The following ZNF202 variants were observed in gnomAD, a reference collection of about 807,000 sequenced individuals.
ZNF202 encodes the protein zinc finger protein with KRAB and SCAN domains 10.
Under a neutral mutation model 54.5 loss-of-function variants are expected in ZNF202, and 22 were observed. That is an observed-to-expected ratio of 0.40 (90% CI 0.29 to 0.58). ZNF202 has a LOEUF of 0.58. ZNF202 is among the 20% of genes least tolerant of loss of function. ZNF202 has a pLI of 0.39. For missense variants in ZNF202, 644 were observed against 805.5 expected, an observed-to-expected ratio of 0.80 and a Z score of 2.43; for synonymous variants, 294 against 301.4, an observed-to-expected ratio of 0.98 and a Z score of 0.26.
At chr11:123,728,653 A>AG (rs1251453084) in intron 6 of ZNF202, among the ~76,000 whole-genome samples, 2 of 152,234 alleles carry the variant, frequency 1.3e-5, no homozygotes, top group African/African-American at 4.8e-5. Flanking sequence ...AGCCAAAACA[A>AG]GACTTTTTTC....
rs756925638 is a variant in ZNF202, at chr11:123,730,801, G to A, written c.88C>T (p.Arg30Trp). Residue 30 changes from arginine (R) to tryptophan (W), a missense_variant, in exon 4 of 9, where the codon CGG (arginine) becomes TGG (tryptophan). This residue lies in a region of ZNF202 where 46 missense variants were observed against 47.4 expected (regional missense o/e 0.97). Transcript: ENST00000530393. The surrounding 1 kb of genome is among the most constrained non-coding windows in gnomAD (Gnocchi z 6.0). ...MVKLEDDFTC[R>W]PESVLQRDDP... Reference sequence around the variant, plus strand: ...TCCCTCTGTAAGACAGACTCTGGCCGACAGGTGAAATCATCTTCCAGTTTC... The same window carrying A: ...TCCCTCTGTAAGACAGACTCTGGCCAACAGGTGAAATCATCTTCCAGTTTC... 2.2e-5 allele frequency: 35 copies of A among 1,614,060 alleles called. No homozygotes were observed. In the Admixed American group the frequency reaches 3.2e-4, roughly 15 times the overall value.
chr11:123,726,981 A>G lies in ZNF202; in HGVS notation c.963T>C (p.Ser321=), dbSNP rs759168193. The change falls in exon 9 of 9, where the codon AGT becomes AGC. Residue 321 remains serine, a synonymous_variant. Coordinates refer to ENST00000530393, the MANE Select transcript of ZNF202 (RefSeq NM_003455.4). The surrounding 1 kb of genome is among the most constrained non-coding windows in gnomAD (Gnocchi z 6.0). ...GCTCCAGACACTCTTCCTCATCTTT[A>G]CTCCTATCTCCTGTAGAAAGGGTGA... ...ILSFTYTGDR[S]KDEEECLEQE... 2 of 1,611,166 alleles carry G rather than the reference A, an allele frequency of 1.2e-6. No individual in the cohort carries two copies. Among genetic ancestry groups the G allele is most frequent in the Admixed American group, 3.3e-5 (2 of 59,828 alleles).
chr11:123,741,038 T>C (rs1364047593), intron 1 of ZNF202, among the ~76,000 whole-genome samples: 1 of 151,026 alleles, frequency 6.6e-6, no homozygotes, highest in East Asian at 2.0e-4. Flanking sequence ...GGTGAGTGTA[T>C]CTGGGTGTGT....
In ZNF202 at chr11:123,729,135, A is replaced by T; in HGVS notation, c.693T>A (p.Ala231=). ...GGTAACTAGGGCACACCTGTGACAG[A>T]GCAGTAAGAAGAGCAACCATCTCTG... The part of the protein sequence containing the change: ...GDSEMVALLT[A]LSQGLVTFKD... Residue 231 remains alanine, a synonymous_variant, in exon 6 of 9, where the codon GCT becomes GCA. Coordinates refer to ENST00000530393, the MANE Select transcript of ZNF202 (RefSeq NM_003455.4). The T allele has an allele frequency of 6.2e-7, 1 of 1,613,986 alleles. No individual in the cohort carries two copies. Among genetic ancestry groups the T allele is most frequent in the Non-Finnish European group, 8.5e-7 (1 of 1,180,014 alleles).
Position 123,736,747 on chromosome 11 carries a change from T to C in ZNF202, c.-98+3370A>G, listed in dbSNP as rs528922256. ...TCGCTTATTAGCCTTGTAACACAATTTCCCTAAGCCTCAGTCTTATCCTCA... is the reference window on the plus strand; with the variant it reads ...TCGCTTATTAGCCTTGTAACACAATCTCCCTAAGCCTCAGTCTTATCCTCA... On this transcript the variant is annotated intron_variant, in intron 3 of 8. Coordinates refer to ENST00000530393, the MANE Select transcript of ZNF202 (RefSeq NM_003455.4). Among the ~76,000 whole-genome samples, 26 of 152,298 alleles carry C rather than the reference T, an allele frequency of 1.7e-4. No homozygotes were observed. In the South Asian group the frequency reaches 1.9e-3, roughly 11 times the overall value.
chr11:123,726,718 T>C lies in ZNF202; in HGVS notation c.1226A>G (p.Asn409Ser). 6.2e-7 allele frequency: 1 copy of C among 1,614,114 alleles called. No individual in the cohort carries two copies. The highest frequency in any genetic ancestry group is 8.5e-7 in the Non-Finnish European group (1 of 1,180,010). ...CCTCAGGTGTCTAACAAGGTGGGAG[T>C]TACAAGTGAAGCTCTTTCCACACAC... is the stretch of plus-strand genomic sequence containing the variant. Reference protein sequence around the residue: ...CSVCGKSFTCNSHLVRHLRTH... With the variant: ...CSVCGKSFTCSSHLVRHLRTH... Residue 409 changes from asparagine (N) to serine (S), a missense_variant, in exon 9 of 9, where the codon AAC becomes AGC. By Grantham distance (46) the Asn-to-Ser change is conservative (BLOSUM62 1). This residue lies in a region of ZNF202 where 536 missense variants were observed against 635.3 expected (regional missense o/e 0.84). Coordinates refer to ENST00000530393, the MANE Select transcript of ZNF202 (RefSeq NM_003455.4). The surrounding 1 kb of genome is among the most constrained non-coding windows in gnomAD (Gnocchi z 6.0).
chr11:123,740,145 T>G lies in ZNF202; in HGVS notation c.-126A>C, dbSNP rs1412078869. ...ATCTGTACAATTTGCAATGGCTGAGTCCCTCACATTGTGGTAAACCTTGTT... is the reference window on the plus strand; with the variant it reads ...ATCTGTACAATTTGCAATGGCTGAGGCCCTCACATTGTGGTAAACCTTGTT... On this transcript the variant is annotated 5_prime_UTR_variant, in exon 3 of 9. Transcript: ENST00000530393. 1 of 152,178 alleles carries G rather than the reference T, an allele frequency of 6.6e-6. No homozygotes were observed. Among genetic ancestry groups the G allele is most frequent in the African/African-American group, 2.4e-5 (1 of 41,418 alleles). The allele number at this position is 152,178 out of a possible 1,614,324, so 9.4% of individuals were successfully genotyped here.
chr11:123,724,456 T>C lies in ZNF202; in HGVS notation c.*1541A>G, dbSNP rs945887547. The C allele has an allele frequency of 6.6e-6, 1 of 152,202 alleles. No homozygotes were observed. The highest frequency in any genetic ancestry group is 1.5e-5 in the Non-Finnish European group (1 of 68,056). The allele number at this position is 152,202 out of a possible 1,614,324, so 9.4% of individuals were successfully genotyped here. ...AGAATATCATCGACCAAAATGAGAATTTCCCTGTTGGGCCATTAGGGTTGG... is the reference window on the plus strand; with the variant it reads ...AGAATATCATCGACCAAAATGAGAACTTCCCTGTTGGGCCATTAGGGTTGG... On this transcript the variant is annotated 3_prime_UTR_variant, in exon 9 of 9. Coordinates refer to ENST00000530393, the MANE Select transcript of ZNF202 (RefSeq NM_003455.4).
chr11:123,738,930 A>C (rs1861745457), intron 3 of ZNF202: 2 of 152,344 alleles, frequency 1.3e-5, no homozygotes, highest in African/African-American at 4.8e-5. Context: ...GATCCAGAGA[A>C]GGAATCTCAG....
intron 3 of ZNF202, among the ~76,000 whole-genome samples, chr11:123,734,244 C>G (rs1292333513): frequency 6.6e-6 from 1 of 152,088 alleles, no homozygotes; most frequent in Non-Finnish European, 1.5e-5. Flanking sequence ...TGCAATACTC[C>G]AAGTAGGTGA....
intron 6 of ZNF202, among the ~76,000 whole-genome samples, chr11:123,728,848 AT>A (rs1290925450): frequency 6.6e-6 from 1 of 151,958 alleles, no homozygotes; most frequent in Non-Finnish European, 1.5e-5. Context: ...AAAAACCCTC[AT>A]TTGACAACTT....
At chr11:123,736,542 G>A (rs968195630) in intron 3 of ZNF202, among the ~76,000 whole-genome samples, 9 of 152,120 alleles carry the variant, frequency 5.9e-5, no homozygotes, top group Admixed American at 3.3e-4. Context: ...ACTGTTAACC[G>A]CTCTTTTCCA....
Position 123,730,566 on chromosome 11 carries a change from C to A in ZNF202, c.323G>T (p.Gly108Val). Reference sequence around the variant, plus strand: ...CTCCTCGCCACTTTCTGGCCGTTGGCCCCGCACCCAGCTCTGTAGTTCTCC... The same window carrying A: ...CTCCTCGCCACTTTCTGGCCGTTGGACCCGCACCCAGCTCTGTAGTTCTCC... ...LPGELQSWVR[G>V]QRPESGEEAV... is the part of the protein sequence containing the mutation. The change falls in exon 4 of 9, where the codon GGC becomes GTC. Residue 108 changes from glycine to valine, a missense_variant. Gly to Val is a moderately radical substitution (Grantham distance 109, BLOSUM62 -3). Around this residue, in one of 3 missense-constraint regions of ZNF202, gnomAD observed 62 missense variants for 122.8 expected, o/e 0.50. Transcript: ENST00000530393. The surrounding 1 kb of genome is among the most constrained non-coding windows in gnomAD (Gnocchi z 6.0). 6.3e-7 allele frequency: 1 copy of A among 1,596,810 alleles called. No individual in the cohort carries two copies. The highest frequency in any genetic ancestry group is 8.5e-7 in the Non-Finnish European group (1 of 1,172,080).
Position 123,726,833 on chromosome 11 carries a change from CA to C in ZNF202, c.1110del (p.Phe370LeufsTer8). 1 of 1,614,106 alleles carries C rather than the reference CA, an allele frequency of 6.2e-7. No homozygotes were observed. The highest frequency in any genetic ancestry group is 8.5e-7 in the Non-Finnish European group (1 of 1,180,030). On this transcript the variant is annotated frameshift_variant, in exon 9 of 9. Coordinates refer to ENST00000530393, the MANE Select transcript of ZNF202 (RefSeq NM_003455.4). LOFTEE classifies it high-confidence loss of function. This position sits in a 1 kb window ranked among gnomAD's most constrained non-coding sequence, Gnocchi z 6.0. ...CTATTCACTTGAGAAATATTAGTAC[CA>C]AATCTTCTTTCATTAAGTCTACCTG... ...DNPGRLNERR[F>X]GTNISQVNSF...
intron 3 of ZNF202, among the ~76,000 whole-genome samples, chr11:123,733,628 G>A (rs1387145118): frequency 6.6e-6 from 1 of 152,120 alleles, no homozygotes; most frequent in Non-Finnish European, 1.5e-5. Context: ...TACAATCATA[G>A]CTCACTACAG....
At chr11:123,728,018 G>T in intron 7 of ZNF202, 115 bp downstream of exon 7, 1 of 1,183,998 alleles carries the variant, frequency 8.4e-7, no homozygotes, top group Non-Finnish European at 1.2e-6. Flanking sequence ...TTATTGGTGG[G>T]GAAGGCATAA....
Position 123,733,229 on chromosome 11 carries a change from G to A in ZNF202, c.-97-2244C>T, listed in dbSNP as rs140611264. Among the ~76,000 whole-genome samples, 365 of 151,930 alleles carry A rather than the reference G, an allele frequency of 2.4e-3. 3 individuals carry two copies. The highest frequency in any genetic ancestry group is 8.5e-3 in the African/African-American group (352 of 41,548). On this transcript the variant is annotated intron_variant, in intron 3 of 8. Coordinates refer to ENST00000530393, the MANE Select transcript of ZNF202 (RefSeq NM_003455.4). Reference sequence around the variant, plus strand: ...TCTCATCTATTGTTGCCCATCAAATGAGTTTACAGTCAATGATCACATTAT... The same window carrying A: ...TCTCATCTATTGTTGCCCATCAAATAAGTTTACAGTCAATGATCACATTAT...
intron 3 of ZNF202, chr11:123,739,512 A>G (rs1467322666): frequency 4.7e-5 from 4 of 85,160 alleles, no homozygotes; most frequent in East Asian, 5.0e-4. Context: ...CCCAGAATAC[A>G]GGTGTAATAT....
At position 123,726,204 on chromosome 11, in the gene ZNF202, G is replaced by C; in HGVS notation, c.1740C>G (p.Phe580Leu). The C allele has an allele frequency of 6.2e-7, 1 of 1,614,180 alleles. No individual in the cohort carries two copies. The highest frequency in any genetic ancestry group is 8.5e-7 in the Non-Finnish European group (1 of 1,180,028). ...CGRCFTHSAA[F>L]AKHLRGHASV... ...AGGCGTGTCCTCTCAAGTGCTTGGC[G>C]AACGCTGCGCTGTGGGTGAAGCAGC... Residue 580 changes from phenylalanine to leucine, a missense_variant, in exon 9 of 9, where the codon TTC becomes TTG. Phe to Leu is a conservative substitution (Grantham distance 22). Transcript: ENST00000530393. The surrounding 1 kb of genome is among the most constrained non-coding windows in gnomAD (Gnocchi z 6.0).
Sources: gnomAD v4.1 joint callset for allele counts (sites outside exome capture counted in the v4.1 genomes callset) on GRCh38, gnomAD v4.1.1 for gene constraint, gnomAD v4.1.1 regional missense constraint, Gnocchi (gnomAD v3.1) non-coding constraint, MANE v1.5 for transcripts, NCBI Gene and HGNC (gene_info 2026-07-23, HGNC 2026-07-21) for gene names.